PDIA4: variants seen among roughly 807,000 people sequenced by gnomAD.
PDIA4 encodes the protein protein disulfide-isomerase A4.
Under a neutral mutation model 62.1 loss-of-function variants are expected in PDIA4, and 33 were observed. That is an observed-to-expected ratio of 0.53 (90% confidence interval 0.40 to 0.71). The LOEUF is 0.71. PDIA4 is among the 30% of genes least tolerant of loss of function. The pLI, the probability that PDIA4 is intolerant of heterozygous loss-of-function variation, is 0.00. For synonymous variants in PDIA4, 341 were observed against 324.1 expected, an observed-to-expected ratio of 1.05 and a Z score of -0.56; for missense variants, 804 against 813.6, an observed-to-expected ratio of 0.99 and a Z score of 0.14.
rs35339835 is a variant in PDIA4 at position 149,017,620 on chromosome 7, T to TACATTTTATCAAAATAAAATTAAATAC, written c.475+1371_475+1372insGTATTTAATTTTATTTTGATAAAATGT. On this transcript the variant is annotated intron_variant, in intron 3 of 9. Coordinates refer to ENST00000652332, the MANE Select transcript of PDIA4 (RefSeq NM_004911.5). ...TACATTTTATCAAAATAAAATTAAA[T>TACATTTTATCAAAATAAAATTAAATAC]ATTTTATCAAAATAAAATTAAATAC... Among the ~76,000 whole-genome samples the TACATTTTATCAAAATAAAATTAAATAC allele has an allele frequency of 1.8e-3, 268 of 150,860 alleles. 10 individuals carry two copies. Among genetic ancestry groups the TACATTTTATCAAAATAAAATTAAATAC allele is most frequent in the Non-Finnish European group, 2.5e-3 (173 of 67,942 alleles).
chr7:149,021,190 C>G, intron 1 of PDIA4, 43 bp from the exon 2 acceptor site: 1 of 1,541,924 alleles, frequency 6.5e-7, no homozygotes, highest in Non-Finnish European at 8.7e-7. Flanking sequence ...CTGGTGGTGA[C>G]TCTCCTTAAA....
At chr7:149,028,023 A>T in intron 1 of PDIA4, 1 of 604,062 alleles carries the variant, frequency 1.7e-6, no homozygotes, top group Non-Finnish European at 3.2e-6. Flanking sequence ...CCCAGCTGCA[A>T]AAAAGGCGCT....
intron 3 of PDIA4, among the ~76,000 whole-genome samples, chr7:149,017,691 A>G (rs1178103669): frequency 6.6e-6 from 1 of 151,822 alleles, no homozygotes; most frequent in African/African-American, 2.4e-5. Flanking sequence ...AATACATTTT[A>G]TCAAAATAAA....
chr7:149,015,847 C>T (rs1409442093), intron 3 of PDIA4, among the ~76,000 whole-genome samples: 1 of 152,250 alleles, frequency 6.6e-6, no homozygotes, highest in Non-Finnish European at 1.5e-5. Flanking sequence ...CAGACCACAC[C>T]CAGGGGTCCT....
chr7:149,003,674 TAAAA>T lies in PDIA4; in HGVS notation c.*116_*119del, dbSNP rs762007812. ...AGTGAAACACCAAAGTATAAAAAAT[TAAAA>T]AAAAAAAAAAAGGAATCCGAGATAC... On this transcript the variant is annotated 3_prime_UTR_variant, in exon 10 of 10. Coordinates refer to ENST00000652332, the MANE Select transcript of PDIA4 (RefSeq NM_004911.5). 3.7e-6 allele frequency: 2 copies of T among 542,876 alleles called. No homozygotes were observed. The highest frequency in any genetic ancestry group is 5.8e-6 in the Non-Finnish European group (2 of 346,302). The allele number at this position is 542,876 out of a possible 1,614,324, so 33.6% of individuals were successfully genotyped here.
In PDIA4 at chr7:149,007,639, G is replaced by A. The variant is rs1267134284; in HGVS notation, c.1131+520C>T. On this transcript the variant is annotated intron_variant, in intron 7 of 9. Coordinates refer to ENST00000652332, the MANE Select transcript of PDIA4 (RefSeq NM_004911.5). The stretch of plus-strand genomic sequence containing the variant: ...CCACTGCCCCTCTAGGGCTGAGTGT[G>A]TCACACTCTAGGAGGATGAAGTGCA... Among the ~76,000 whole-genome samples, 3 of 152,368 alleles carry A rather than the reference G, an allele frequency of 2.0e-5. No individual in the cohort carries two copies. The East Asian group carries it at 5.8e-4, about 29-fold the overall frequency.
chr7:149,010,885 T>G (rs1407686577), intron 6 of PDIA4, among the ~76,000 whole-genome samples: 1 of 152,224 alleles, frequency 6.6e-6, no homozygotes, highest in African/African-American at 2.4e-5. Flanking sequence ...TGCACATCAA[T>G]GCACGTAACT....
chr7:149,009,661 G>A (rs1029198238), intron 6 of PDIA4, among the ~76,000 whole-genome samples: 1 of 152,228 alleles, frequency 6.6e-6, no homozygotes, highest in Non-Finnish European at 1.5e-5. Context: ...GGACTAGAGA[G>A]TGAGTAGTTA....
At position 149,014,970 on chromosome 7, in the gene PDIA4, G is replaced by A. The variant is rs550673080; in HGVS notation, c.548C>T (p.Thr183Ile). 2 of 1,613,928 alleles carry A rather than the reference G, an allele frequency of 1.2e-6. No individual in the cohort carries two copies. Among genetic ancestry groups the A allele is most frequent in the South Asian group, 1.1e-5 (1 of 91,082 alleles). Residue 183 changes from threonine to isoleucine, a missense_variant, in exon 4 of 10, where the codon ACC (threonine) becomes ATC (isoleucine). By Grantham distance (89) the Thr-to-Ile change is moderately conservative (BLOSUM62 -1). Coordinates refer to ENST00000652332, the MANE Select transcript of PDIA4 (RefSeq NM_004911.5). ...CACAACTTCATCAAAGTTCTCTTTG[G>A]TCAACACAAGCGTGACTTCTGGTGG... ...TPPPEVTLVLTKENFDEVVND... is the reference protein window; with the variant it reads ...TPPPEVTLVLIKENFDEVVND...
Position 149,028,074 on chromosome 7 carries a change from G to C in PDIA4, c.88+247C>G. 4 of 627,154 alleles carry C rather than the reference G, an allele frequency of 6.4e-6. No individual in the cohort carries two copies. In the East Asian group the frequency reaches 9.1e-5, roughly 14 times the overall value. The allele number at this position is 627,154 out of a possible 1,614,324, so 38.8% of individuals were successfully genotyped here. On this transcript the variant is annotated intron_variant, in intron 1 of 9. Transcript: ENST00000652332. Reference sequence around the variant, plus strand: ...AGCCTCGGGTGACAGGGGTCTTCCAGGGCGTCGGAGCCCAAGAGACCCCGG... The same window carrying C: ...AGCCTCGGGTGACAGGGGTCTTCCACGGCGTCGGAGCCCAAGAGACCCCGG...
In PDIA4 at chr7:149,019,529, G is replaced by A. The variant is rs144874078; in HGVS notation, c.270-332C>T. On this transcript the variant is annotated intron_variant, in intron 2 of 9. Coordinates refer to ENST00000652332, the MANE Select transcript of PDIA4 (RefSeq NM_004911.5). ...GAGGTCAGGAGTTTGAGACCAGCCT[G>A]GGCAGTATGGCGAAACTCCATCTTT... Among the ~76,000 whole-genome samples, 637 of 152,320 alleles carry A rather than the reference G, an allele frequency of 4.2e-3. 5 individuals carry two copies. The highest frequency in any genetic ancestry group is 0.014 in the African/African-American group (600 of 41,576).
chr7:149,011,798 C>A (rs375710204), intron 6 of PDIA4, 48 bp downstream of exon 6: 1 of 1,462,128 alleles, frequency 6.8e-7, no homozygotes, highest in Admixed American at 2.4e-5. Context: ...CAACCGCAGA[C>A]GGCCCAAGGC....
Position 149,005,192 on chromosome 7 carries a change from C to G in PDIA4, c.1471G>C (p.Glu491Gln), listed in dbSNP as rs1322161387. 13 of 1,614,164 alleles carry G rather than the reference C, an allele frequency of 8.1e-6. No individual in the cohort carries two copies. Among genetic ancestry groups the G allele is most frequent in the Non-Finnish European group, 1.1e-5 (13 of 1,180,000 alleles). Residue 491 changes from glutamate to glutamine, a missense_variant, in exon 9 of 10, where the codon GAG (glutamate) becomes CAG (glutamine). Coordinates refer to ENST00000652332, the MANE Select transcript of PDIA4 (RefSeq NM_004911.5). Reference protein sequence around the residue: ...ESGKKFAMEPEEFDSDTLREF... With the variant: ...ESGKKFAMEPQEFDSDTLREF... ...CGGAGGGTGTCAGAGTCAAACTCCT[C>G]TGGCTCCATGGCGAACTTCTTCCCA...
At chr7:149,014,558 C>T (rs1357931677) in intron 4 of PDIA4, among the ~76,000 whole-genome samples, 1 of 152,084 alleles carries the variant, frequency 6.6e-6, no homozygotes, top group African/African-American at 2.4e-5. Context: ...TGCGTCCCTC[C>T]CCTCCCCTCC....
At chr7:149,004,395 A>G (rs1238661303) in intron 9 of PDIA4, among the ~76,000 whole-genome samples, 186 bp from the exon 10 acceptor site, 33 of 152,194 alleles carry the variant, frequency 2.2e-4, no homozygotes, top group Non-Finnish European at 4.4e-5. Flanking sequence ...AAGGCCAGAG[A>G]GGTTGCAGGT....
At chr7:149,012,792 A>G (rs578218757) in intron 4 of PDIA4, among the ~76,000 whole-genome samples, 1 of 152,306 alleles carries the variant, frequency 6.6e-6, no homozygotes, top group East Asian at 1.9e-4. Flanking sequence ...ATTAGCCAGG[A>G]GCCCACGGGA....
At chr7:149,027,404 A>G (rs2129506112) in intron 1 of PDIA4, among the ~76,000 whole-genome samples, 1 of 152,204 alleles carries the variant, frequency 6.6e-6, no homozygotes, top group Admixed American at 6.5e-5. Flanking sequence ...GAAAGAGTAT[A>G]AAGTTCACGA....
intron 1 of PDIA4, 126 bp downstream of exon 1, chr7:149,028,195 C>T: frequency 1.5e-6 from 1 of 660,236 alleles, no homozygotes; most frequent in Non-Finnish European, 2.5e-6. Flanking sequence ...CCGGGCTCGG[C>T]GCCCATCACT....
chr7:149,015,156 CAGG>C (rs1824084611), intron 3 of PDIA4, 114 bp from the exon 4 acceptor site: 2 of 1,048,792 alleles, frequency 1.9e-6, no homozygotes, highest in Non-Finnish European at 2.7e-6. Flanking sequence ...CCCACAAGAA[CAGG>C]AGGTGTCTGA....
Sources: allele counts gnomAD v4.1 joint callset (sites outside exome capture counted in the v4.1 genomes callset), GRCh38; gene constraint gnomAD v4.1.1; transcripts MANE v1.5; gene names NCBI Gene and HGNC (gene_info 2026-07-23, HGNC 2026-07-21).